PCDHA2: variants seen among roughly 807,000 people sequenced by gnomAD.
The protein encoded by PCDHA2 is protocadherin alpha 2.
PCDHA2 carries 58 observed loss-of-function variants against 66.0 expected under a neutral mutation model. The ratio of observed to expected loss-of-function variants is 0.88; its 90% confidence interval spans 0.71 to 1.09. The LOEUF (loss-of-function observed/expected upper bound fraction) is 1.09, where lower values mean the gene tolerates loss of function less well. PCDHA2 is among the 50% of genes least tolerant of loss of function. The pLI, the probability that PCDHA2 is intolerant of heterozygous loss-of-function variation, is 0.00. For missense variants in PCDHA2, 1,267 were observed against 1,242.3 expected (o/e 1.02, Z -0.30); for synonymous variants, 634 against 554.0 (o/e 1.14, Z -2.03).
chr5:140,870,766 C>G, intron 1 of PCDHA2: 3 of 1,613,562 alleles, frequency 1.9e-6, no homozygotes, highest in South Asian at 1.1e-5. Context: ...GGTGTTCGTG[C>G]TGGACGAGAA....
rs2098413689 is a variant in PCDHA2, at chr5:141,009,672, A to G, written c.2582A>G (p.Asn861Ser). Residue 861 changes from asparagine to serine, a missense_variant, in exon 4 of 4, where the codon AAC becomes AGC. Physicochemically the swap from Asn to Ser is conservative, Grantham distance 46. Transcript: ENST00000526136. The stretch of plus-strand genomic sequence containing the variant: ...TCCCCTCCAGTCGGTGCGGGTGTCA[A>G]CAGCAACAGCTGGACCTTTAAATAC... ...EVSPPVGAGV[N>S]SNSWTFKYGP... is the part of the protein sequence containing the mutation. 6.2e-7 allele frequency: 1 copy of G among 1,614,102 alleles called. No homozygotes were observed. The highest frequency in any genetic ancestry group is 1.1e-5 in the South Asian group (1 of 91,070).
intron 1 of PCDHA2, among the ~76,000 whole-genome samples, chr5:140,838,431 T>C (rs2150289310): frequency 1.3e-5 from 2 of 151,754 alleles, no homozygotes; most frequent in Non-Finnish European, 2.9e-5. Context: ...GCCTAAATTA[T>C]ATATTGGGTT....
At chr5:140,828,276 G>C (rs2150153517) in intron 1 of PCDHA2, 1 of 1,614,090 alleles carries the variant, frequency 6.2e-7, no homozygotes, top group South Asian at 1.1e-5. Context: ...CTGGTGCCGC[G>C]CCTGTTCAGG....
chr5:140,823,064 G>A (rs2150121897), intron 1 of PCDHA2: 1 of 1,614,062 alleles, frequency 6.2e-7, no homozygotes. Context: ...CGGGACGGGG[G>A]CTCGCCTTCG....
At chr5:140,833,334 G>A (rs2150207587) in intron 1 of PCDHA2, among the ~76,000 whole-genome samples, 2 of 152,176 alleles carry the variant, frequency 1.3e-5, no homozygotes, top group Non-Finnish European at 2.9e-5. Context: ...GAACATTGGA[G>A]TGAAACATTC....
rs374310903 is a variant in PCDHA2 at position 140,968,575 on chromosome 5, G to A, written c.2389-10374G>A. 16 of 1,614,016 alleles carry A rather than the reference G, an allele frequency of 9.9e-6. No homozygotes were observed. In the African/African-American group the frequency reaches 2.1e-4, roughly 22 times the overall value. ...CTCGAACTGCCCCTGCTGGCTACCT[G>A]GTCACCAAAGTCATAGCTATGGACT... On this transcript the variant is annotated intron_variant, in intron 1 of 3. Transcript: ENST00000526136.
At chr5:140,813,148 A>C (rs2126644102) in intron 1 of PCDHA2, 1 of 152,248 alleles carries the variant, frequency 6.6e-6, no homozygotes, top group African/African-American at 2.4e-5. Flanking sequence ...TATGTCTGTT[A>C]GTTCCATTTC....
chr5:141,009,706 C>G lies in PCDHA2; in HGVS notation c.2616C>G (p.Gly872=). Reference sequence around the variant, plus strand: ...GCTGGACCTTTAAATACGGACCAGGCAACCCCAAACAATCCGGTCCCGGTG... The same window carrying G: ...GCTGGACCTTTAAATACGGACCAGGGAACCCCAAACAATCCGGTCCCGGTG... ...SNSWTFKYGP[G]NPKQSGPGEL... The change falls in exon 4 of 4, where the codon GGC becomes GGG. Residue 872 remains glycine, a synonymous_variant. Transcript: ENST00000526136. 1 of 1,614,118 alleles carries G rather than the reference C, an allele frequency of 6.2e-7. No homozygotes were observed. Among genetic ancestry groups the G allele is most frequent in the Non-Finnish European group, 8.5e-7 (1 of 1,180,020 alleles).
intron 1 of PCDHA2, among the ~76,000 whole-genome samples, chr5:140,901,220 TC>T (rs1383510008): frequency 6.6e-6 from 1 of 152,200 alleles, no homozygotes; most frequent in Non-Finnish European, 1.5e-5. Context: ...GTTGATGTGA[TC>T]CCATATATCC....
Position 141,009,979 on chromosome 5 carries a change from T to C in PCDHA2, c.*42T>C. 2.5e-6 allele frequency: 4 copies of C among 1,583,392 alleles called. No individual in the cohort carries two copies. Among genetic ancestry groups the C allele is most frequent in the Non-Finnish European group, 3.4e-6 (4 of 1,168,152 alleles). On this transcript the variant is annotated 3_prime_UTR_variant, in exon 4 of 4. Coordinates refer to ENST00000526136, the MANE Select transcript of PCDHA2 (RefSeq NM_018905.3). The stretch of plus-strand genomic sequence containing the variant: ...CAAGCCACTTAGCCAGTTTTTGTAA[T>C]AATGGCAAATCTCTCCCATGTAGCA...
intron 1 of PCDHA2, chr5:140,882,990 A>T (rs1554176394): frequency 6.2e-7 from 1 of 1,614,130 alleles, no homozygotes; most frequent in Admixed American, 1.7e-5. Context: ...AACGCCCCGG[A>T]ATTTTACCAA....
intron 1 of PCDHA2, chr5:140,835,064 A>G (rs2150230368): frequency 1.6e-6 from 2 of 1,216,012 alleles, no homozygotes; most frequent in East Asian, 2.6e-5. Flanking sequence ...GCACCGTTCA[A>G]TTACTCATCA....
intron 1 of PCDHA2, chr5:140,822,957 C>G: frequency 1.2e-6 from 2 of 1,614,262 alleles, no homozygotes; most frequent in Non-Finnish European, 1.7e-6. Flanking sequence ...ACGTTCCCTT[C>G]AAGCTGGTGT....
chr5:140,836,159 G>C, intron 1 of PCDHA2: 1 of 1,613,838 alleles, frequency 6.2e-7, no homozygotes, highest in Non-Finnish European at 8.5e-7. Context: ...ATGTGGTGGC[G>C]AAGGTACGTG....
In PCDHA2 at chr5:141,009,476, C is replaced by G. The variant is rs970744618; in HGVS notation, c.2537-151C>G. ...TTAAACAAATAAATAAATAAGTAAA[C>G]ACTTGCCTTGCCCTCAGACTTGAAC... On this transcript the variant is annotated intron_variant, in intron 3 of 3. Coordinates refer to ENST00000526136, the MANE Select transcript of PCDHA2 (RefSeq NM_018905.3). 2.3e-5 allele frequency: 32 copies of G among 1,420,036 alleles called. No individual in the cohort carries two copies. The East Asian group carries it at 7.2e-4, about 32-fold the overall frequency. 88.0% of individuals were successfully genotyped at this position (1,420,036 alleles called of 1,614,324 possible).
At chr5:140,833,401 T>C (rs1772445861) in intron 1 of PCDHA2, among the ~76,000 whole-genome samples, 1 of 152,180 alleles carries the variant, frequency 6.6e-6, no homozygotes, top group South Asian at 2.1e-4. Flanking sequence ...CAAGACTTGA[T>C]CAAAGGGCTG....
intron 1 of PCDHA2, chr5:140,870,351 C>G (rs958022470): frequency 2.5e-6 from 4 of 1,614,202 alleles, no homozygotes; most frequent in Non-Finnish European, 3.4e-6. Context: ...ACCGCGAGAA[C>G]GTGTGGGCCT....
At chr5:140,816,646 C>T (rs2126674174) in intron 1 of PCDHA2, 3 of 152,234 alleles carry the variant, frequency 2.0e-5, no homozygotes, top group African/African-American at 4.8e-5. Context: ...CCAGCTACCT[C>T]TTCCAGTCTT....
chr5:140,884,445 C>G, intron 1 of PCDHA2: 1 of 1,613,802 alleles, frequency 6.2e-7, no homozygotes, highest in Non-Finnish European at 8.5e-7. Flanking sequence ...TGCTCGGCAC[C>G]GCCCACCGAG....
Sources: allele counts gnomAD v4.1 joint callset (sites outside exome capture counted in the v4.1 genomes callset), GRCh38; gene constraint gnomAD v4.1.1; transcripts MANE v1.5; gene names NCBI Gene and HGNC (gene_info 2026-07-23, HGNC 2026-07-21).